Variants in PRKN observed in about 807,000 individuals in gnomAD.
PRKN encodes parkin RBR E3 ubiquitin protein ligase.
PRKN carries 56 observed loss-of-function variants against 59.5 expected under a neutral mutation model. The observed-to-expected ratio is 0.94, with a 90% CI of 0.76 to 1.18. The LOEUF (loss-of-function observed/expected upper bound fraction) is 1.18. Among genes scored for constraint, PRKN ranks in the 50% most tolerant of loss-of-function variants. The pLI is 0.00. For missense variants in PRKN, 657 were observed against 596.4 expected (o/e 1.10, Z -1.06); for synonymous variants, 250 against 222.1 (o/e 1.13, Z -1.12).
chr6:161,988,537 C>T (rs998244376), intron 5 of PRKN, among the ~76,000 whole-genome samples: 4 of 151,690 alleles, frequency 2.6e-5, no homozygotes, highest in Non-Finnish European at 5.9e-5. Flanking sequence ...GAAAAATTTT[C>T]AGGAAACATA....
At chr6:162,461,595 TG>T (rs1016071879) in intron 1 of PRKN, among the ~76,000 whole-genome samples, 1 of 129,992 alleles carries the variant, frequency 7.7e-6, no homozygotes, top group Non-Finnish European at 1.6e-5. Context: ...CCGAGGTGGG[TG>T]GATCACTTGA....
chr6:162,469,710 G>A (rs539178144), intron 1 of PRKN, among the ~76,000 whole-genome samples: 4 of 152,000 alleles, frequency 2.6e-5, no homozygotes, highest in South Asian at 4.2e-4. Flanking sequence ...ATGACACAGT[G>A]GACTCTGGGG....
intron 6 of PRKN, among the ~76,000 whole-genome samples, chr6:161,856,268 G>A (rs1793646743): frequency 6.6e-6 from 1 of 152,108 alleles, no homozygotes; most frequent in Non-Finnish European, 1.5e-5. Flanking sequence ...GCTGAGGCAG[G>A]AGAATCATTT....
intron 2 of PRKN, among the ~76,000 whole-genome samples, chr6:162,374,418 G>C (rs1174500919): frequency 6.7e-6 from 1 of 149,658 alleles, no homozygotes; most frequent in African/African-American, 2.5e-5. Context: ...GTTTTAGTTT[G>C]TTTATGTGAT....
In PRKN at chr6:161,378,834, G is replaced by A. The variant is rs375157841; in HGVS notation, c.1167+7960C>T. On this transcript the variant is annotated intron_variant, in intron 10 of 11. Transcript: ENST00000366898. This position sits in a 1 kb window ranked among gnomAD's most constrained non-coding sequence, Gnocchi z 7.3. ...AGGGTGTGTCTCCAGCAGGTAGAAC[G>A]CAATGGTTCAGGAATCAAGGGGTGG... 2.0e-5 allele frequency among the ~76,000 whole-genome samples: 3 copies of A among 152,154 alleles called. No individual in the cohort carries two copies. The highest frequency in any genetic ancestry group is 2.1e-4 in the South Asian group (1 of 4,836).
rs1438136164 is a variant in PRKN at position 161,428,587 on chromosome 6, CG to C, written c.1084-41711del. Among the ~76,000 whole-genome samples the C allele has an allele frequency of 6.6e-6, 1 of 152,154 alleles. No individual in the cohort carries two copies. The highest frequency in any genetic ancestry group is 1.5e-5 in the Non-Finnish European group (1 of 68,036). On this transcript the variant is annotated intron_variant, in intron 9 of 11. Coordinates refer to ENST00000366898, the MANE Select transcript of PRKN (RefSeq NM_004562.3). The surrounding 1 kb of genome is among the most constrained non-coding windows in gnomAD (Gnocchi z 4.0). ...ATTGTGGCTGCCTTTGATTGTTTGGCGGTTTGCTGTGTTCTCTGAGTGTTTT... is the reference window on the plus strand; with the variant it reads ...ATTGTGGCTGCCTTTGATTGTTTGGCGTTTGCTGTGTTCTCTGAGTGTTTT...
At chr6:162,579,335 A>C (rs1461987893) in intron 1 of PRKN, among the ~76,000 whole-genome samples, 2 of 152,064 alleles carry the variant, frequency 1.3e-5, no homozygotes, top group African/African-American at 4.8e-5. Flanking sequence ...TAATCACCTT[A>C]TCTCTAGAGA....
At chr6:161,955,981 T>C (rs1176140516) in intron 6 of PRKN, among the ~76,000 whole-genome samples, 2 of 152,200 alleles carry the variant, frequency 1.3e-5, no homozygotes, top group East Asian at 3.8e-4. Context: ...TGTGGTAAGT[T>C]TGGAGAACAA....
chr6:162,099,026 G>A (rs987510429), intron 4 of PRKN, among the ~76,000 whole-genome samples: 3 of 151,902 alleles, frequency 2.0e-5, no homozygotes, highest in Admixed American at 6.6e-5. Flanking sequence ...TTTAATAAAA[G>A]CTCTTTGTGC....
chr6:162,030,422 T>C (rs1191421968), intron 5 of PRKN, among the ~76,000 whole-genome samples: 1 of 152,208 alleles, frequency 6.6e-6, no homozygotes, highest in Non-Finnish European at 1.5e-5. Flanking sequence ...CTCATCTGGC[T>C]GGTCTTCTTA....
intron 2 of PRKN, among the ~76,000 whole-genome samples, chr6:162,375,610 A>C (rs2128138612): frequency 6.6e-6 from 1 of 152,132 alleles, no homozygotes; most frequent in South Asian, 2.1e-4. Flanking sequence ...CTCCAGAAAA[A>C]TAGTCTGAAA....
intron 2 of PRKN, among the ~76,000 whole-genome samples, chr6:162,400,807 T>A (rs995968979): frequency 6.6e-6 from 1 of 152,192 alleles, no homozygotes; most frequent in East Asian, 1.9e-4. Context: ...TTGAAGAGAC[T>A]GCATATCAGG....
intron 6 of PRKN, among the ~76,000 whole-genome samples, chr6:161,823,141 T>A (rs2128216802): frequency 6.6e-6 from 1 of 151,758 alleles, no homozygotes; most frequent in South Asian, 2.1e-4. Context: ...CTTTCTATGT[T>A]GCCCAGGCTA....
chr6:162,367,821 T>G (rs1283865579), intron 2 of PRKN, among the ~76,000 whole-genome samples: 1 of 152,068 alleles, frequency 6.6e-6, no homozygotes. Context: ...CCTGGTAAAC[T>G]GTAGGAAACA....
chr6:162,386,325 A>G (rs1389279510), intron 2 of PRKN, among the ~76,000 whole-genome samples: 2 of 152,190 alleles, frequency 1.3e-5, no homozygotes, highest in Admixed American at 6.5e-5. Context: ...AAAACATATA[A>G]TTTTATGTCA....
intron 5 of PRKN, among the ~76,000 whole-genome samples, chr6:162,011,655 C>G (rs1782724220): frequency 2.0e-5 from 3 of 147,388 alleles, no homozygotes; most frequent in African/African-American, 7.5e-5. Flanking sequence ...CAGCAAAAAC[C>G]TTGATAGCGG....
intron 7 of PRKN, among the ~76,000 whole-genome samples, chr6:161,676,640 G>A (rs1297620412): frequency 6.6e-6 from 1 of 152,160 alleles, no homozygotes; most frequent in Non-Finnish European, 1.5e-5. Flanking sequence ...AGACCCTATG[G>A]CCTGCAAAAT....
chr6:162,132,880 C>T (rs145753886), intron 4 of PRKN, among the ~76,000 whole-genome samples: 13 of 152,254 alleles, frequency 8.5e-5, no homozygotes, highest in Middle Eastern at 3.4e-3. Flanking sequence ...AAGGAATGAA[C>T]GCCTTCCAGG....
intron 2 of PRKN, among the ~76,000 whole-genome samples, chr6:162,346,703 T>A (rs1784419338): frequency 6.6e-6 from 1 of 151,990 alleles, no homozygotes; most frequent in African/African-American, 2.4e-5. Context: ...GCATGAGAAA[T>A]TTTTTAAAAT....
Sources: gnomAD v4.1 joint callset for allele counts (sites outside exome capture counted in the v4.1 genomes callset) on GRCh38, gnomAD v4.1.1 for gene constraint, Gnocchi (gnomAD v3.1) non-coding constraint, MANE v1.5 for transcripts, NCBI Gene and HGNC (gene_info 2026-07-23, HGNC 2026-07-21) for gene names.